AGBL4: variants seen among roughly 807,000 people sequenced by gnomAD.
The protein encoded by AGBL4 is AGBL carboxypeptidase 4, also known as cytosolic carboxypeptidase 6.
A neutral mutation model predicts 66.4 loss-of-function variants in AGBL4; 58 were observed. That is an observed-to-expected ratio of 0.87 (90% CI 0.71 to 1.09). AGBL4 has a LOEUF of 1.09. Ranked by LOEUF, AGBL4 falls within the 50% of genes least tolerant of loss-of-function variation. The pLI is 0.00. For missense variants in AGBL4, 579 were observed against 631.0 expected, an observed-to-expected ratio of 0.92 and a Z score of 0.88; for synonymous variants, 234 against 222.9, an observed-to-expected ratio of 1.05 and a Z score of -0.44.
At chr1:48,944,255 GGAAGTCTTCACAGAGAAGGT>G (rs1478454968) in intron 5 of AGBL4, among the ~76,000 whole-genome samples, 1 of 152,054 alleles carries the variant, frequency 6.6e-6, no homozygotes, top group African/African-American at 2.4e-5. Flanking sequence ...GTGGGGCCAA[GGAAGTCTTCACAGAGAAGGT>G]GATGCTTATG....
chr1:50,015,518 G>A (rs761259774), intron 1 of AGBL4, among the ~76,000 whole-genome samples: 14 of 152,136 alleles, frequency 9.2e-5, no homozygotes, highest in Non-Finnish European at 1.6e-4. Flanking sequence ...TTAGCTATGC[G>A]TGGTGGCATG....
intron 4 of AGBL4, among the ~76,000 whole-genome samples, chr1:49,050,146 C>T (rs567299508): frequency 6.6e-5 from 10 of 152,108 alleles, no homozygotes; most frequent in Admixed American, 2.6e-4. Context: ...AAGGCTGATC[C>T]AGCTCTTGGA....
At chr1:48,758,020 C>A (rs1644037048) in intron 6 of AGBL4, among the ~76,000 whole-genome samples, 1 of 152,144 alleles carries the variant, frequency 6.6e-6, no homozygotes, top group African/African-American at 2.4e-5. Context: ...GCAGTCATTT[C>A]TTCCGGCAGT....
intron 3 of AGBL4, among the ~76,000 whole-genome samples, chr1:49,686,300 T>C (rs1445009526): frequency 6.6e-6 from 1 of 152,150 alleles, no homozygotes; most frequent in Admixed American, 6.6e-5. Context: ...GGGAATGTTG[T>C]TGCCAGTGGA....
intron 3 of AGBL4, among the ~76,000 whole-genome samples, chr1:49,394,509 T>C (rs1021049777): frequency 1.3e-5 from 2 of 152,080 alleles, no homozygotes; most frequent in Non-Finnish European, 2.9e-5. Context: ...CACATCACTG[T>C]TGCCTCATAT....
At position 49,697,299 on chromosome 1, in the gene AGBL4, A is replaced by G. The variant is rs1647004781; in HGVS notation, c.282+14T>C. ...TACCAAAACCACTCTGAAGGTATCC[A>G]CTATTTCCCTCACCTGTGATTCTTT... On this transcript the variant is annotated intron_variant, in intron 3 of 13. Transcript: ENST00000371839. The G allele has an allele frequency of 5.8e-6, 9 of 1,542,254 alleles. No individual in the cohort carries two copies. The highest frequency in any genetic ancestry group is 1.2e-5 in the South Asian group (1 of 83,308).
chr1:48,770,387 A>G (rs1357282386), intron 6 of AGBL4, among the ~76,000 whole-genome samples: 1 of 152,174 alleles, frequency 6.6e-6, no homozygotes. Context: ...CAGGACACCT[A>G]TCTCTGCTGG....
chr1:48,540,905 G>A (rs1489782328), intron 11 of AGBL4, among the ~76,000 whole-genome samples: 1 of 152,120 alleles, frequency 6.6e-6, no homozygotes, highest in African/African-American at 2.4e-5. Context: ...CTACCGTGCA[G>A]CCAGGGGGAT....
chr1:49,656,930 C>T (rs1317349965), intron 3 of AGBL4, among the ~76,000 whole-genome samples: 1 of 152,170 alleles, frequency 6.6e-6, no homozygotes, highest in Non-Finnish European at 1.5e-5. Flanking sequence ...GGAAGCATTC[C>T]CTTTGAAAAC....
intron 2 of AGBL4, among the ~76,000 whole-genome samples, chr1:49,737,932 G>A (rs1244057954): frequency 6.6e-6 from 1 of 152,218 alleles, no homozygotes; most frequent in African/African-American, 2.4e-5. Flanking sequence ...TCCAACTGAG[G>A]TACCGGGTTC....
intron 3 of AGBL4, among the ~76,000 whole-genome samples, chr1:49,561,979 G>A (rs1315637167): frequency 1.3e-5 from 2 of 152,076 alleles, no homozygotes; most frequent in East Asian, 3.9e-4. Context: ...GTTGTTTCCT[G>A]ACTTTTTAAT....
chr1:49,089,171 C>A (rs1644959206), intron 4 of AGBL4, among the ~76,000 whole-genome samples: 1 of 151,176 alleles, frequency 6.6e-6, no homozygotes, highest in Admixed American at 6.6e-5. Flanking sequence ...AAGTTAACCA[C>A]CTAATATCAC....
intron 6 of AGBL4, 109 bp from the exon 7 acceptor site, chr1:48,663,350 T>A: frequency 1.0e-6 from 1 of 985,554 alleles, no homozygotes; most frequent in African/African-American, 1.6e-5. Flanking sequence ...GTTTTACATT[T>A]ACCTCTTAAA....
At chr1:49,193,400 A>G (rs1004722106) in intron 4 of AGBL4, among the ~76,000 whole-genome samples, 12 of 151,718 alleles carry the variant, frequency 7.9e-5, no homozygotes, top group African/African-American at 2.9e-4. Flanking sequence ...TTGTGTTTCC[A>G]TATTCATTCA....
chr1:49,378,362 C>T (rs772793476), intron 3 of AGBL4, among the ~76,000 whole-genome samples: 1 of 152,042 alleles, frequency 6.6e-6, no homozygotes, highest in Non-Finnish European at 1.5e-5. Context: ...TCTATCTCAT[C>T]TTAAATGTCT....
rs562677075 is a variant in AGBL4, at chr1:49,634,629, G to A, written c.282+62684C>T. On this transcript the variant is annotated intron_variant, in intron 3 of 13. Coordinates refer to ENST00000371839, the MANE Select transcript of AGBL4 (RefSeq NM_032785.4). ...GTATTTCTGGTTCTAGATCCTTGAG[G>A]AATTGCCACACTGTCTTCCACAATG... Among the ~76,000 whole-genome samples the A allele has an allele frequency of 9.9e-5, 15 of 152,236 alleles. No individual in the cohort carries two copies. The South Asian group carries it at 1.2e-3, about 13-fold the overall frequency.
At chr1:49,861,201 C>A (rs1646563012) in intron 1 of AGBL4, among the ~76,000 whole-genome samples, 1 of 152,078 alleles carries the variant, frequency 6.6e-6, no homozygotes, top group Admixed American at 6.6e-5. Flanking sequence ...GCAGTCTAGG[C>A]CATAAGAACT....
chr1:50,001,507 G>GTATATATA (rs59228663), intron 1 of AGBL4, among the ~76,000 whole-genome samples: 3 of 147,642 alleles, frequency 2.0e-5, no homozygotes, highest in Non-Finnish European at 1.5e-5. Flanking sequence ...ATGTGTGTGT[G>GTATATATA]TATATATATA....
At chr1:49,395,438 G>A (rs1040729561) in intron 3 of AGBL4, among the ~76,000 whole-genome samples, 1 of 151,556 alleles carries the variant, frequency 6.6e-6, no homozygotes, top group African/African-American at 2.4e-5. Context: ...GTACAAGAAG[G>A]TGAATATAAA....
Sources: gnomAD v4.1 joint callset for allele counts (sites outside exome capture counted in the v4.1 genomes callset) on GRCh38, gnomAD v4.1.1 for gene constraint, MANE v1.5 for transcripts, NCBI Gene and HGNC (gene_info 2026-07-23, HGNC 2026-07-21) for gene names.